The following FAM227A variants were observed in gnomAD, a reference collection of about 807,000 sequenced individuals.
FAM227A encodes protein FAM227A.
Under a neutral mutation model 74.7 loss-of-function variants are expected in FAM227A, and 80 were observed. The observed-to-expected ratio is 1.07, with a 90% CI of 0.89 to 1.29. The LOEUF is 1.29. Among genes scored for constraint, FAM227A ranks in the 50% most tolerant of loss-of-function variants. The pLI is 0.00. For synonymous variants in FAM227A, 237 were observed against 241.8 expected (o/e 0.98, Z 0.19); for missense variants, 654 against 683.4 (o/e 0.96, Z 0.48).
At chr22:38,620,722 T>C (rs1294097448) in intron 10 of FAM227A, among the ~76,000 whole-genome samples, 4 of 150,210 alleles carry the variant, frequency 2.7e-5, no homozygotes, top group South Asian at 2.1e-4. Context: ...GGCAGGAGAA[T>C]AGTGTGATCC....
At chr22:38,595,581 G>C (rs188671061) in intron 15 of FAM227A, among the ~76,000 whole-genome samples, 3 of 152,234 alleles carry the variant, frequency 2.0e-5, no homozygotes, top group Non-Finnish European at 4.4e-5. Flanking sequence ...AAAGATGTTG[G>C]GGAAGCACAT....
chr22:38,652,749 C>T (rs1456953325), intron 1 of FAM227A, among the ~76,000 whole-genome samples: 1 of 150,850 alleles, frequency 6.6e-6, no homozygotes, highest in Non-Finnish European at 1.5e-5. Context: ...TGGTGGCGGG[C>T]TCCTGTAGTC....
chr22:38,601,035 T>G (rs1410187378), intron 13 of FAM227A, among the ~76,000 whole-genome samples: 2 of 152,116 alleles, frequency 1.3e-5, no homozygotes, highest in Non-Finnish European at 2.9e-5. Context: ...AATAATTCAT[T>G]CAGCAAATAT....
Position 38,612,778 on chromosome 22 carries a change from A to T in FAM227A, c.1039-5302T>A, listed in dbSNP as rs114406663. Among the ~76,000 whole-genome samples the T allele has an allele frequency of 2.8e-3, 422 of 151,982 alleles. 2 individuals carry two copies. The highest frequency in any genetic ancestry group is 9.8e-3 in the African/African-American group (406 of 41,426). On this transcript the variant is annotated intron_variant, in intron 11 of 16. Transcript: ENST00000535113. The stretch of plus-strand genomic sequence containing the variant: ...GAGTAGAGTAGAACTTTTAACATCC[A>T]GTCCTCAGTCACACTGGCACACAGT...
rs16999109 is a variant in FAM227A at position 38,586,026 on chromosome 22, C to A, written c.*99G>T. The A allele has an allele frequency of 0.028, 43,003 of 1,545,936 alleles. 1,167 individuals are homozygous for A. The highest frequency in any genetic ancestry group is 0.14 in the East Asian group (5,623 of 40,840). Reference sequence around the variant, plus strand: ...GAGAAATCATGATTCCTATTTCTGTCTTTGGCCACAATTTTCTTATTTTCT... The same window carrying A: ...GAGAAATCATGATTCCTATTTCTGTATTTGGCCACAATTTTCTTATTTTCT... On this transcript the variant is annotated 3_prime_UTR_variant, in exon 17 of 17. Coordinates refer to ENST00000535113, the MANE Select transcript of FAM227A (RefSeq NM_001013647.2).
chr22:38,599,816 G>A lies in FAM227A; in HGVS notation c.1327C>T (p.Gln443Ter). The A allele has an allele frequency of 1.9e-6, 3 of 1,551,496 alleles. No homozygotes were observed. The highest frequency in any genetic ancestry group is 2.6e-6 in the Non-Finnish European group (3 of 1,146,902). The part of the protein sequence containing the change: ...YFLQNYASLQ[Q>*]HGKNVLIVRR... ...ACTATCAACACATTCTTGCCGTGCT[G>A]CTGCAGACTGGCATAGTTCTGGAGA... Residue 443 changes from glutamine (Q) to a stop codon, truncating the protein, a stop_gained, in exon 14 of 17, where the codon CAG becomes TAG. Transcript: ENST00000535113. LOFTEE classifies it high-confidence loss of function.
At chr22:38,613,363 C>CATATATTATATAAT (rs2091497588) in intron 11 of FAM227A, among the ~76,000 whole-genome samples, 1 of 3,352 alleles carries the variant, frequency 3.0e-4, no homozygotes, top group African/African-American at 1.3e-3. Context: ...TAATATATAT[C>CATATATTATATAAT]ATATATAATA....
At chr22:38,620,530 G>A (rs543898954) in intron 10 of FAM227A, among the ~76,000 whole-genome samples, 6 of 152,242 alleles carry the variant, frequency 3.9e-5, no homozygotes, top group African/African-American at 1.4e-4. Flanking sequence ...CAGGGCCGGC[G>A]CGGTGGCTCA....
At chr22:38,645,019 G>A (rs573496650) in intron 3 of FAM227A, among the ~76,000 whole-genome samples, 3 of 147,648 alleles carry the variant, frequency 2.0e-5, no homozygotes, top group Non-Finnish European at 4.5e-5. Context: ...AAAGGGAGGC[G>A]GAGGTTGCAG....
chr22:38,610,886 C>G (rs2091398361), intron 11 of FAM227A, among the ~76,000 whole-genome samples: 1 of 151,960 alleles, frequency 6.6e-6, no homozygotes, highest in Non-Finnish European at 1.5e-5. Flanking sequence ...ATGGTGAAAC[C>G]CTGTCTCTAC....
intron 2 of FAM227A, among the ~76,000 whole-genome samples, chr22:38,648,932 A>G (rs1317008283): frequency 1.3e-5 from 2 of 151,630 alleles, no homozygotes. Flanking sequence ...AGTCTATGCC[A>G]CTGCACTCCA....
chr22:38,628,192 C>G (rs1349403212), intron 8 of FAM227A, 46 bp downstream of exon 8: 7 of 1,134,986 alleles, frequency 6.2e-6, no homozygotes, highest in Non-Finnish European at 9.1e-6. Context: ...CAGAAATGAA[C>G]AGAAATCTAA....
chr22:38,599,469 G>A (rs1206281887), intron 14 of FAM227A, among the ~76,000 whole-genome samples: 1 of 152,176 alleles, frequency 6.6e-6, no homozygotes. Flanking sequence ...TTCAATATAT[G>A]TTAGAATACC....
chr22:38,591,536 T>C lies in FAM227A; in HGVS notation c.1537A>G (p.Met513Val). 1 of 1,541,022 alleles carries C rather than the reference T, an allele frequency of 6.5e-7. No homozygotes were observed. Among genetic ancestry groups the C allele is most frequent in the East Asian group, 2.5e-5 (1 of 40,646 alleles). The stretch of plus-strand genomic sequence containing the variant: ...GCTGCTTTTGGATCAATATTCTTCA[T>C]TTCCCTGGGAGGAAAACACAGAGAC... Reference protein sequence around the residue: ...KELQDNFSREMKNIDPKAADT... With the variant: ...KELQDNFSREVKNIDPKAADT... Residue 513 changes from methionine to valine, a missense_variant, in exon 16 of 17, where the codon ATG becomes GTG. Transcript: ENST00000535113.
intron 8 of FAM227A, among the ~76,000 whole-genome samples, chr22:38,626,891 A>AAAAT (rs1555966996): frequency 1.1e-3 from 64 of 57,656 alleles, no homozygotes; most frequent in Non-Finnish European, 1.4e-3. Flanking sequence ...AAAAAAAAAA[A>AAAAT]ATATATATAT....
intron 1 of FAM227A, among the ~76,000 whole-genome samples, chr22:38,652,186 A>T (rs2092332731): frequency 6.6e-6 from 1 of 151,956 alleles, no homozygotes; most frequent in Non-Finnish European, 1.5e-5. Context: ...ACCCTGTCTC[A>T]AAATAAATAA....
chr22:38,627,334 G>A (rs1230358154), intron 8 of FAM227A, among the ~76,000 whole-genome samples: 2 of 151,958 alleles, frequency 1.3e-5, no homozygotes, highest in African/African-American at 4.8e-5. Context: ...TTGGGAGGCC[G>A]AGGCAGGCAG....
At chr22:38,629,699 C>T (rs2091879887) in intron 6 of FAM227A, among the ~76,000 whole-genome samples, 1 of 145,092 alleles carries the variant, frequency 6.9e-6, no homozygotes, top group South Asian at 2.2e-4. Context: ...TCTTCTTTAC[C>T]ATCACTCACA....
intron 15 of FAM227A, among the ~76,000 whole-genome samples, chr22:38,594,867 G>C (rs922441719): frequency 6.6e-5 from 10 of 152,144 alleles, no homozygotes; most frequent in African/African-American, 1.9e-4. Context: ...GGGAGGCCGA[G>C]GGGGGTGGAT....
Sources: gnomAD v4.1 joint callset for allele counts (sites outside exome capture counted in the v4.1 genomes callset) on GRCh38, gnomAD v4.1.1 for gene constraint, MANE v1.5 for transcripts, NCBI Gene and HGNC (gene_info 2026-07-23, HGNC 2026-07-21) for gene names.